The following ABCA6 variants were observed in gnomAD, a reference collection of about 807,000 sequenced individuals.
ABCA6 encodes ATP-binding cassette sub-family A member 6.
ABCA6 carries 164 observed loss-of-function variants against 191.2 expected under a neutral mutation model. That is an observed-to-expected ratio of 0.86 (90% CI 0.76 to 0.98). ABCA6 has a LOEUF of 0.98. ABCA6 is among the 50% of genes least tolerant of loss of function. The pLI is 0.00. For synonymous variants in ABCA6, 636 were observed against 647.7 expected (o/e 0.98, Z 0.27); for missense variants, 1,958 against 1,894.1 (o/e 1.03, Z -0.63).
intron 10 of ABCA6, 86 bp from the exon 11 acceptor site, chr17:69,118,042 T>C (rs1021369218): frequency 7.0e-6 from 6 of 852,812 alleles, no homozygotes; most frequent in Non-Finnish European, 1.1e-5. Context: ...TAGTGATAAC[T>C]GCAGCCAACC....
intron 15 of ABCA6, 83 bp downstream of exon 15, chr17:69,113,139 C>G: frequency 1.4e-6 from 2 of 1,474,862 alleles, no homozygotes; most frequent in Non-Finnish European, 1.8e-6. Context: ...ATAATGAGAG[C>G]AGGGCTCTTA....
At chr17:69,126,812 T>C (rs955920675) in intron 8 of ABCA6, among the ~76,000 whole-genome samples, 1 of 152,074 alleles carries the variant, frequency 6.6e-6, no homozygotes, top group Non-Finnish European at 1.5e-5. Flanking sequence ...GGCACATAAG[T>C]GTGTGATTAT....
chr17:69,123,025 A>AGG (rs2073678519), intron 10 of ABCA6, among the ~76,000 whole-genome samples: 1 of 82,826 alleles, frequency 1.2e-5, no homozygotes, highest in Non-Finnish European at 2.4e-5. Flanking sequence ...GGGTAGGGGG[A>AGG]GGGGGGAGGG....
rs2073335888 is a variant in ABCA6 at position 69,107,744 on chromosome 17, G to C, written c.2341C>G (p.Leu781Val). ...VTGYDISMST[L>V]NEVFMKLEGQ... ...TCCAGTTTCATAAAGACTTCATTTA[G>C]AGTTGACATGGAAATGTCATAACCT... The change falls in exon 18 of 39, where the codon CTA becomes GTA. Residue 781 changes from leucine to valine, a missense_variant. By Grantham distance (32) the Leu-to-Val change is conservative. Transcript: ENST00000284425. 1 of 1,613,026 alleles carries C rather than the reference G, an allele frequency of 6.2e-7. No individual in the cohort carries two copies.
chr17:69,133,571 C>T lies in ABCA6; in HGVS notation c.791+70G>A, dbSNP rs139905742. The stretch of plus-strand genomic sequence containing the variant: ...AAGTTTAAACCATGATGCTCTGAAA[C>T]AATAACACTTTTTCACTGCTTCTTA... On this transcript the variant is annotated intron_variant, in intron 6 of 38. Transcript: ENST00000284425. The T allele has an allele frequency of 2.9e-4, 347 of 1,177,636 alleles. 3 individuals carry two copies. The African/African-American group carries it at 4.7e-3, about 16-fold the overall frequency. The allele number at this position is 1,177,636 out of a possible 1,614,324, so 72.9% of individuals were successfully genotyped here.
intron 6 of ABCA6, among the ~76,000 whole-genome samples, chr17:69,130,014 A>G (rs537614488): frequency 6.6e-6 from 1 of 152,196 alleles, no homozygotes; most frequent in African/African-American, 2.4e-5. Context: ...ATAGGCACCA[A>G]CCAATAGAAA....
intron 8 of ABCA6, among the ~76,000 whole-genome samples, chr17:69,127,387 T>G (rs1321452004): frequency 1.3e-5 from 2 of 152,076 alleles, no homozygotes; most frequent in African/African-American, 4.8e-5. Flanking sequence ...AAATGTCGGA[T>G]GTTCAACATG....
intron 8 of ABCA6, among the ~76,000 whole-genome samples, chr17:69,126,470 T>G (rs1056714074): frequency 2.0e-5 from 3 of 151,756 alleles, no homozygotes; most frequent in Non-Finnish European, 2.9e-5. Flanking sequence ...AGTGACATGG[T>G]GAGACCAACT....
chr17:69,085,477 A>C (rs2072757067), intron 31 of ABCA6, 148 bp downstream of exon 31: 1 of 642,898 alleles, frequency 1.6e-6, no homozygotes, highest in Admixed American at 3.7e-5. Context: ...CCTGATGCCC[A>C]GTAAAAATTT....
intron 31 of ABCA6, 87 bp downstream of exon 31, chr17:69,085,538 A>C (rs2072762152): frequency 2.4e-6 from 2 of 829,214 alleles, no homozygotes. Context: ...AAAAAAAAGA[A>C]AAGAAAAATA....
At chr17:69,121,081 G>A (rs2073632544) in intron 10 of ABCA6, among the ~76,000 whole-genome samples, 1 of 151,912 alleles carries the variant, frequency 6.6e-6, no homozygotes, top group Non-Finnish European at 1.5e-5. Context: ...TTTATATAAA[G>A]CAGAGACCAC....
intron 30 of ABCA6, among the ~76,000 whole-genome samples, chr17:69,086,270 T>C (rs2072786851): frequency 6.6e-6 from 1 of 152,142 alleles, no homozygotes; most frequent in Non-Finnish European, 1.5e-5. Context: ...CACAAACTCA[T>C]TGCTGTTTTC....
At position 69,137,205 on chromosome 17, in the gene ABCA6, A is replaced by G. The variant is rs181853999; in HGVS notation, c.301+91T>C. The G allele has an allele frequency of 8.2e-6, 10 of 1,214,360 alleles. No individual in the cohort carries two copies. The African/African-American group carries it at 1.5e-4, about 18-fold the overall frequency. 75.2% of individuals were successfully genotyped at this position (1,214,360 alleles called of 1,614,324 possible). The stretch of plus-strand genomic sequence containing the variant: ...AGTACTTAAGTTATTAGCATAATAT[A>G]TGACTTTAACTTCAAATTAATGTGT... On this transcript the variant is annotated intron_variant, in intron 3 of 38. Coordinates refer to ENST00000284425, the MANE Select transcript of ABCA6 (RefSeq NM_080284.3).
At chr17:69,096,031 C>A (rs1332308231) in intron 25 of ABCA6, among the ~76,000 whole-genome samples, 1 of 152,150 alleles carries the variant, frequency 6.6e-6, no homozygotes, top group East Asian at 1.9e-4. Context: ...CTGTAAGATT[C>A]TCCATAAATT....
At chr17:69,100,688 T>G in intron 22 of ABCA6, 109 bp downstream of exon 22, 1 of 1,186,162 alleles carries the variant, frequency 8.4e-7, no homozygotes, top group Non-Finnish European at 1.1e-6. Flanking sequence ...GATAAAATAA[T>G]AATTTTCAGG....
chr17:69,082,801 T>C, intron 36 of ABCA6, 72 bp downstream of exon 36: 1 of 1,585,216 alleles, frequency 6.3e-7, no homozygotes, highest in Admixed American at 1.8e-5. Flanking sequence ...TATGAAGTTC[T>C]CACACAGCAA....
chr17:69,103,644 T>C (rs1178741683), intron 20 of ABCA6, among the ~76,000 whole-genome samples: 1 of 152,018 alleles, frequency 6.6e-6, no homozygotes, highest in East Asian at 1.9e-4. Flanking sequence ...ATTTCCAGGA[T>C]ACCTGAACTC....
chr17:69,114,823 T>C lies in ABCA6; in HGVS notation c.1721A>G (p.Lys574Arg), dbSNP rs931422805. The C allele has an allele frequency of 1.2e-6, 2 of 1,612,768 alleles. No individual in the cohort carries two copies. The highest frequency in any genetic ancestry group is 1.7e-6 in the Non-Finnish European group (2 of 1,179,262). Residue 574 changes from lysine (K) to arginine (R), a missense_variant, in exon 13 of 39, where the codon AAG (lysine) becomes AGG (arginine). Coordinates refer to ENST00000284425, the MANE Select transcript of ABCA6 (RefSeq NM_080284.3). Reference sequence around the variant, plus strand: ...TTTAGCAAACAGGCTGAGGTTTTCCTTCACGGTGAGTATGTCAAATTGAAC... The same window carrying C: ...TTTAGCAAACAGGCTGAGGTTTTCCCTCACGGTGAGTATGTCAAATTGAAC... ...FNVQFDILTV[K>R]ENLSLFAKIK...
intron 18 of ABCA6, among the ~76,000 whole-genome samples, chr17:69,107,226 T>C (rs974854598): frequency 6.6e-6 from 1 of 152,156 alleles, no homozygotes; most frequent in African/African-American, 2.4e-5. Context: ...TATCAATGTA[T>C]AGCCATACAT....
Sources: gnomAD v4.1 joint callset for allele counts (sites outside exome capture counted in the v4.1 genomes callset) on GRCh38, gnomAD v4.1.1 for gene constraint, MANE v1.5 for transcripts, NCBI Gene and HGNC (gene_info 2026-07-23, HGNC 2026-07-21) for gene names.